PLCG2: variants seen among roughly 807,000 people sequenced by gnomAD.
PLCG2 encodes the protein 1-phosphatidylinositol 4,5-bisphosphate phosphodiesterase gamma-2.
Under a neutral mutation model 175.6 loss-of-function variants are expected in PLCG2, and 69 were observed. That is an observed-to-expected ratio of 0.39 (90% confidence interval 0.32 to 0.48). The LOEUF (loss-of-function observed/expected upper bound fraction) is 0.48, where lower values mean the gene tolerates loss of function less well. Ranked by LOEUF, PLCG2 falls within the 20% of genes least tolerant of loss-of-function variation. The pLI is 0.91. For synonymous variants in PLCG2, 827 were observed against 624.0 expected (o/e 1.33, Z -4.85); for missense variants, 1,798 against 1,650.9 (o/e 1.09, Z -1.54).
At chr16:81,804,789 C>G (rs749451273) in intron 2 of PLCG2, among the ~76,000 whole-genome samples, 1 of 152,168 alleles carries the variant, frequency 6.6e-6, no homozygotes, top group Non-Finnish European at 1.5e-5. Context: ...TCAGTTACCT[C>G]CTAAGAGGAA....
At chr16:81,925,575 A>C (rs192166901) in intron 22 of PLCG2, among the ~76,000 whole-genome samples, 97 of 152,292 alleles carry the variant, frequency 6.4e-4, no homozygotes, top group African/African-American at 2.3e-3. Flanking sequence ...ACCACCACGG[A>C]GCACAGACTT....
chr16:81,746,828 G>A (rs1909716647), intron 1 of PLCG2, among the ~76,000 whole-genome samples: 1 of 152,144 alleles, frequency 6.6e-6, no homozygotes, highest in African/African-American at 2.4e-5. Context: ...GGAACCAGTG[G>A]AGCCTACAAA....
In PLCG2 at chr16:81,761,829, A is replaced by ATTTACTTTTTT. The variant is rs909875950; in HGVS notation, c.-48+5866_-48+5867insACTTTTTTTTT. 4.1e-3 allele frequency among the ~76,000 whole-genome samples: 540 copies of ATTTACTTTTTT among 130,152 alleles called. 1 individual carries two copies. Among genetic ancestry groups the ATTTACTTTTTT allele is most frequent in the African/African-American group, 0.014 (508 of 35,134 alleles). The allele number at this position is 130,152 out of a possible 152,430, so 85.4% of individuals were successfully genotyped here. ...CACTACCTATGATTTCACCCTGCAC[A>ATTTACTTTTTT]TTTTTTTTTTTTTTTTTTTGCGCAT... On this transcript the variant is annotated intron_variant, in intron 2 of 5. Transcript: ENST00000565054.
In PLCG2 at chr16:81,895,808, G is replaced by A. The variant is rs1468102543; in HGVS notation, c.1074G>A (p.Leu358=). The change falls in exon 13 of 33, where the codon CTG becomes CTA. Residue 358 remains leucine, a splice_region_variant and synonymous_variant. Transcript: ENST00000564138. Reference sequence around the variant, plus strand: ...AGGCTGCCGCGTTTCTCCCTGTAGTGGACTGCTGGGACGGGCCCGATGGGA... The same window carrying A: ...AGGCTGCCGCGTTTCTCCCTGTAGTAGACTGCTGGGACGGGCCCGATGGGA... ...CLRMGCRCIE[L]DCWDGPDGKP... 1.4e-5 allele frequency: 22 copies of A among 1,614,104 alleles called. No homozygotes were observed. The East Asian group carries it at 4.9e-4, about 36-fold the overall frequency.
rs73590826 is a variant in PLCG2 at position 81,839,837 on chromosome 16, G to A, written c.194-14607G>A. On this transcript the variant is annotated intron_variant, in intron 2 of 32. Transcript: ENST00000564138. ...AAACCAAAATGGGAGGATCACTTGAGGCCAGGGATTTGAGACCAGCCTAGG... is the reference window on the plus strand; with the variant it reads ...AAACCAAAATGGGAGGATCACTTGAAGCCAGGGATTTGAGACCAGCCTAGG... Among the ~76,000 whole-genome samples the A allele has an allele frequency of 7.4e-3, 1,122 of 152,292 alleles. 29 individuals carry two copies. The highest frequency in any genetic ancestry group is 0.026 in the African/African-American group (1,075 of 41,560).
chr16:81,857,280 C>T (rs2143484058), intron 3 of PLCG2, among the ~76,000 whole-genome samples: 1 of 152,302 alleles, frequency 6.6e-6, no homozygotes, highest in East Asian at 1.9e-4. Context: ...TCCTGAGCAG[C>T]TGGGGTTGAG....
upstream of PLCG2, chr16:81,779,108 C>T (rs928378732): frequency 6.6e-6 from 1 of 152,296 alleles, no homozygotes; most frequent in Non-Finnish European, 1.5e-5. Flanking sequence ...CTTTGGCACG[C>T]AGAGGCGGGG....
rs1324028277 is a variant in PLCG2, at chr16:81,859,153, A to C, written c.469A>C (p.Arg157=). 1.9e-6 allele frequency: 3 copies of C among 1,592,826 alleles called. No homozygotes were observed. The highest frequency in any genetic ancestry group is 2.6e-6 in the Non-Finnish European group (3 of 1,160,540). ...RKQIYSVDQT[R]RNSISLRELK... ...GCAGATATATTCTGTGGATCAAACC[A>C]GAAGAAACAGGTAAGAGTCATTCAG... is the stretch of plus-strand genomic sequence containing the variant. Residue 157 remains arginine, a synonymous_variant, in exon 5 of 33, where the codon AGA becomes CGA. Coordinates refer to ENST00000564138, the MANE Select transcript of PLCG2 (RefSeq NM_002661.5).
chr16:81,898,985 G>A (rs569048916), intron 13 of PLCG2, among the ~76,000 whole-genome samples: 17 of 152,214 alleles, frequency 1.1e-4, no homozygotes, highest in Non-Finnish European at 2.1e-4. Flanking sequence ...AGGAGTTTGA[G>A]ACCAGCAGCC....
intron 2 of PLCG2, among the ~76,000 whole-genome samples, chr16:81,831,932 G>A (rs1905275478): frequency 1.3e-5 from 2 of 152,310 alleles, no homozygotes; most frequent in Non-Finnish European, 1.5e-5. Flanking sequence ...ATTTGCACAG[G>A]CAAAGCGGGG....
chr16:81,936,603 G>T (rs1472417399), intron 27 of PLCG2, among the ~76,000 whole-genome samples: 1 of 150,188 alleles, frequency 6.7e-6, no homozygotes, highest in Non-Finnish European at 1.5e-5. Flanking sequence ...GTGATTGTAA[G>T]TAAGTGACAG....
chr16:81,841,277 C>A (rs937021496), intron 2 of PLCG2, among the ~76,000 whole-genome samples: 3 of 151,778 alleles, frequency 2.0e-5, no homozygotes, highest in Admixed American at 1.3e-4. Flanking sequence ...CACTGAGTCG[C>A]CTAGGCTGGA....
Position 81,783,834 on chromosome 16 carries a change from T to C in PLCG2, c.-47-2109T>C, listed in dbSNP as rs1484845587. ...GATGCACATTAACTCTCAGCAGGGT[T>C]TTTTTTTAGCATACTCTGTTCTGCC... On this transcript the variant is annotated intron_variant, in intron 1 of 32. Coordinates refer to ENST00000564138, the MANE Select transcript of PLCG2 (RefSeq NM_002661.5). 4.3e-5 allele frequency among the ~76,000 whole-genome samples: 3 copies of C among 70,012 alleles called. No individual in the cohort carries two copies. The East Asian group carries it at 2.2e-3, about 52-fold the overall frequency. The allele number at this position is 70,012 out of a possible 152,430, so 45.9% of individuals were successfully genotyped here.
At position 81,960,507 on chromosome 16, in the gene PLCG2, TAG is replaced by T. The variant is rs1555524977; in HGVS notation, c.*2510_*2511del. 1 of 231,268 alleles carries T rather than the reference TAG, an allele frequency of 4.3e-6. No individual in the cohort carries two copies. Among genetic ancestry groups the T allele is most frequent in the Non-Finnish European group, 8.6e-6 (1 of 116,948 alleles). 14.3% of individuals were successfully genotyped at this position (231,268 alleles called of 1,614,324 possible). On this transcript the variant is annotated 3_prime_UTR_variant, in exon 33 of 33. Coordinates refer to ENST00000564138, the MANE Select transcript of PLCG2 (RefSeq NM_002661.5). ...GGAAAAATAAAGTGGGGAGGCTGGT[TAG>T]GCCTTGTGAGTTTGGGAAACTTAGG...
Position 81,962,667 on chromosome 16 carries a change from A to AAAG in PLCG2, c.*4670_*4672dup. The AAAG allele has an allele frequency of 9.2e-6, 2 of 217,980 alleles. No homozygotes were observed. The highest frequency in any genetic ancestry group is 1.8e-5 in the Non-Finnish European group (2 of 108,450). The allele number at this position is 217,980 out of a possible 1,614,324, so 13.5% of individuals were successfully genotyped here. On this transcript the variant is annotated 3_prime_UTR_variant, in exon 33 of 33. Transcript: ENST00000564138. ...CAGCTGTATCACATTTTGAAAAATA[A>AAAG]AAGTTTCATCTGAATGAATATAGCA... is the stretch of plus-strand genomic sequence containing the variant.
intron 6 of PLCG2, among the ~76,000 whole-genome samples, chr16:81,870,496 T>A (rs1907460055): frequency 6.6e-6 from 1 of 152,304 alleles, no homozygotes; most frequent in Admixed American, 6.5e-5. Flanking sequence ...ACGCATCATG[T>A]CTCTTGGAAA....
intron 1 of PLCG2, among the ~76,000 whole-genome samples, chr16:81,747,260 C>G (rs951491384): frequency 6.6e-6 from 1 of 152,138 alleles, no homozygotes; most frequent in African/African-American, 2.4e-5. Flanking sequence ...TGGGACTGGG[C>G]GCGGTGGCTC....
intron 2 of PLCG2, among the ~76,000 whole-genome samples, chr16:81,824,386 A>G (rs1039681540): frequency 6.6e-6 from 1 of 151,960 alleles, no homozygotes; most frequent in South Asian, 2.1e-4. Flanking sequence ...CACCCACCTC[A>G]ACCTCCCAAA....
chr16:81,872,916 G>A (rs115341001), intron 7 of PLCG2, among the ~76,000 whole-genome samples: 3 of 152,214 alleles, frequency 2.0e-5, no homozygotes, highest in African/African-American at 7.2e-5. Flanking sequence ...CAGAGCTGTG[G>A]GCTGGCCACA....
Sources: allele counts gnomAD v4.1 joint callset (sites outside exome capture counted in the v4.1 genomes callset), GRCh38; gene constraint gnomAD v4.1.1; transcripts MANE v1.5; gene names NCBI Gene and HGNC (gene_info 2026-07-23, HGNC 2026-07-21).